Variants in PAK3 observed in about 807,000 individuals in gnomAD.
The protein encoded by PAK3 is p21 (RAC1) activated kinase 3.
A neutral mutation model predicts 41.0 loss-of-function variants in PAK3; 4 were observed. The ratio of observed to expected loss-of-function variants is 0.10; its 90% confidence interval spans 0.05 to 0.22. The LOEUF (loss-of-function observed/expected upper bound fraction) is 0.22, where lower values mean the gene tolerates loss of function less well. PAK3 is among the 10% of genes least tolerant of loss of function. The probability of loss-of-function intolerance (pLI) is 1.00; values close to 1 mark genes in which losing one functional copy is unlikely to be tolerated. For synonymous variants in PAK3, 146 were observed against 139.6 expected, an observed-to-expected ratio of 1.05 and a Z score of -0.32; for missense variants, 205 against 409.9, an observed-to-expected ratio of 0.50 and a Z score of 4.32.
chrX:111,059,744 A>G (rs1167261277), intron 1 of PAK3, among the ~76,000 whole-genome samples: 2 of 111,608 alleles, frequency 1.8e-5, no homozygotes, highest in African/African-American at 6.5e-5. Flanking sequence ...CTGATTGTTT[A>G]TTGCTAATTC....
intron 10 of PAK3, 88 bp downstream of exon 10, chrX:111,163,815 A>G: frequency 1.3e-6 from 1 of 755,754 alleles, no homozygotes; most frequent in Non-Finnish European, 2.1e-6. Flanking sequence ...GGAAGTTTTA[A>G]TCTGCTTATA....
At chrX:111,174,678 C>T (rs963791560) in intron 11 of PAK3, among the ~76,000 whole-genome samples, 4 of 111,508 alleles carry the variant, frequency 3.6e-5, no homozygotes, top group African/African-American at 1.3e-4. Flanking sequence ...GTGGGTAGTG[C>T]ACATAAGAAA....
chrX:111,021,231 C>T (rs763630900), intron 1 of PAK3, among the ~76,000 whole-genome samples: 1 of 112,202 alleles, frequency 8.9e-6, no homozygotes, highest in African/African-American at 3.2e-5. Flanking sequence ...GGCCAACCAA[C>T]ACAAAACCAG....
At chrX:111,047,972 T>G (rs2092516743) in intron 1 of PAK3, among the ~76,000 whole-genome samples, 1 of 111,609 alleles carries the variant, frequency 9.0e-6, no homozygotes, top group Non-Finnish European at 1.9e-5. Context: ...ACAGCCCTGA[T>G]AGCACACTGT....
At chrX:111,178,711 A>T (rs772798321) in intron 11 of PAK3, among the ~76,000 whole-genome samples, 3 of 110,093 alleles carry the variant, frequency 2.7e-5, no homozygotes, top group Non-Finnish European at 3.8e-5. Flanking sequence ...AATTATTTAC[A>T]GCCAAGGAGT....
At chrX:111,000,089 T>G (rs2091821780) in intron 1 of PAK3, among the ~76,000 whole-genome samples, 1 of 111,933 alleles carries the variant, frequency 8.9e-6, no homozygotes, top group African/African-American at 3.3e-5. Context: ...ATTGTTTTGC[T>G]TTTTGGTAGA....
rs149664472 is a variant in PAK3 at position 111,040,457 on chromosome X, T to G, written c.-27-82620T>G. ...TAGATACATTTTATATACTTTTCAA[T>G]GCATACTATATTTCCTAATAAAACC... On this transcript the variant is annotated intron_variant, in intron 1 of 14. Coordinates refer to the PAK3 transcript ENST00000425146. Among the ~76,000 whole-genome samples the G allele has an allele frequency of 7.6e-3, 851 of 112,006 alleles. 11 individuals are homozygous for G. The highest frequency in any genetic ancestry group is 0.026 in the African/African-American group (814 of 30,825).
intron 1 of PAK3, among the ~76,000 whole-genome samples, chrX:110,958,227 G>A (rs1333572383): frequency 8.9e-6 from 1 of 112,148 alleles, no homozygotes; most frequent in Admixed American, 9.5e-5. Flanking sequence ...CAATGAGGTC[G>A]GAGACCATGC....
At chrX:111,062,754 A>G (rs1005994858) in intron 1 of PAK3, among the ~76,000 whole-genome samples, 4 of 111,574 alleles carry the variant, frequency 3.6e-5, no homozygotes, top group Non-Finnish European at 5.6e-5. Flanking sequence ...TATGAAGCCA[A>G]TTAGGAACAG....
intron 1 of PAK3, among the ~76,000 whole-genome samples, chrX:111,040,099 G>A (rs750485906): frequency 1.8e-5 from 2 of 110,020 alleles, no homozygotes; most frequent in Non-Finnish European, 3.8e-5. Context: ...TGAAGAAGAA[G>A]ACTCAACCTG....
chrX:110,990,554 A>C (rs2091624467), intron 1 of PAK3, among the ~76,000 whole-genome samples: 2 of 110,638 alleles, frequency 1.8e-5, no homozygotes, highest in African/African-American at 6.6e-5. Flanking sequence ...ATTGTGGTAG[A>C]AAGGGGTGAC....
intron 1 of PAK3, among the ~76,000 whole-genome samples, chrX:111,048,711 A>G (rs2092526034): frequency 8.9e-6 from 1 of 111,849 alleles, no homozygotes; most frequent in South Asian, 3.7e-4. Context: ...AAATCCATCC[A>G]TGTTGTCTAT....
intron 1 of PAK3, among the ~76,000 whole-genome samples, chrX:111,070,558 G>T (rs1428191137): frequency 8.9e-6 from 1 of 111,966 alleles, no homozygotes; most frequent in East Asian, 2.8e-4. Context: ...TATCTGAAAC[G>T]AAGGGTAAGG....
intron 11 of PAK3, among the ~76,000 whole-genome samples, chrX:111,186,257 C>T (rs1265481757): frequency 9.0e-6 from 1 of 111,606 alleles, no homozygotes; most frequent in African/African-American, 3.3e-5. Flanking sequence ...TCTCTCACCA[C>T]TCCTATTCAA....
In PAK3 at chrX:111,142,089, C is replaced by T; in HGVS notation, c.176-7C>T. ...CAAATAAATACATGTTAACATTTTG[C>T]CTTTAGCCAATAAGAAGAAGGAGAA... On this transcript the variant is annotated splice_region_variant and splice_polypyrimidine_tract_variant and intron_variant, in intron 5 of 17. Transcript: ENST00000372007. 2 of 1,112,971 alleles carry T rather than the reference C, an allele frequency of 1.8e-6. No individual in the cohort carries two copies. Among genetic ancestry groups the T allele is most frequent in the South Asian group, 3.6e-5 (2 of 54,905 alleles). 91.7% of individuals were successfully genotyped at this position (1,112,971 alleles called of 1,213,427 possible).
At chrX:111,016,133 A>G (rs2092086526) in intron 1 of PAK3, among the ~76,000 whole-genome samples, 1 of 112,697 alleles carries the variant, frequency 8.9e-6, no homozygotes. Flanking sequence ...ACGAATATGT[A>G]CCAACCAATT....
chrX:111,204,172 G>A (rs993274595), intron 16 of PAK3, among the ~76,000 whole-genome samples: 1 of 111,626 alleles, frequency 9.0e-6, no homozygotes, highest in African/African-American at 3.3e-5. Context: ...CTTAGCCATA[G>A]GAAAGCTGCA....
chrX:111,204,863 T>C (rs751793236), intron 16 of PAK3, among the ~76,000 whole-genome samples: 1 of 105,608 alleles, frequency 9.5e-6, no homozygotes, highest in South Asian at 4.1e-4. Flanking sequence ...TTTCTTTTCT[T>C]CTTTCCTTTG....
chrX:111,094,678 T>G (rs1332310417), upstream of PAK3, among the ~76,000 whole-genome samples: 1 of 98,972 alleles, frequency 1.0e-5, no homozygotes, highest in East Asian at 3.2e-4. Context: ...AATCTGTAGC[T>G]CTTTTTTTTT....
Sources: gnomAD v4.1 joint callset for allele counts (sites outside exome capture counted in the v4.1 genomes callset) on GRCh38, gnomAD v4.1.1 for gene constraint, MANE v1.5 for transcripts, NCBI Gene and HGNC (gene_info 2026-07-23, HGNC 2026-07-21) for gene names.